Variants in RP1 observed in about 807,000 individuals in gnomAD.
The protein encoded by RP1 is RP1 axonemal microtubule associated.
In RP1, 16 loss-of-function variants were observed where a neutral mutation model predicts 14.8. That is an observed-to-expected ratio of 1.08 (90% CI 0.73 to 1.65). The LOEUF is 1.65. Ranked by LOEUF, RP1 falls within the 40% of genes most tolerant of loss-of-function variation. RP1 has a pLI of 0.00. For missense variants in RP1, 2,631 were observed against 2,535.0 expected, an observed-to-expected ratio of 1.04 and a Z score of -0.81; for synonymous variants, 876 against 883.6, an observed-to-expected ratio of 0.99 and a Z score of 0.15.
downstream of RP1, among the ~76,000 whole-genome samples, chr8:54,771,996 A>G (rs1258162542): frequency 6.6e-6 from 1 of 152,106 alleles, no homozygotes; most frequent in Non-Finnish European, 1.5e-5. Flanking sequence ...AAAGGAGAAA[A>G]GGAAAAAGGA....
At chr8:54,584,479 T>G (rs1804870397) in intron 1 of RP1, among the ~76,000 whole-genome samples, 1 of 152,196 alleles carries the variant, frequency 6.6e-6, no homozygotes, top group Non-Finnish European at 1.5e-5. Context: ...TATATTCTAT[T>G]GATTTGGGGT....
At chr8:54,694,660 G>C in intron 12 of RP1, among the ~76,000 whole-genome samples, 1 of 152,072 alleles carries the variant, frequency 6.6e-6, no homozygotes, top group South Asian at 2.1e-4. Context: ...GGGATCGGTG[G>C]TGATATCCCC....
chr8:54,679,053 C>G (rs1453857618), intron 9 of RP1, among the ~76,000 whole-genome samples: 1 of 151,760 alleles, frequency 6.6e-6, no homozygotes, highest in Non-Finnish European at 1.5e-5. Flanking sequence ...CCCATAGTAA[C>G]CATTTATGAA....
intron 15 of RP1, among the ~76,000 whole-genome samples, chr8:54,712,207 G>A (rs914539976): frequency 1.3e-5 from 2 of 152,274 alleles, no homozygotes; most frequent in African/African-American, 2.4e-5. Context: ...GGCCTACATC[G>A]GGAGAGACAG....
chr8:54,645,383 T>C (rs1585578968), intron 3 of RP1, among the ~76,000 whole-genome samples: 2 of 152,308 alleles, frequency 1.3e-5, no homozygotes, highest in South Asian at 2.1e-4. Context: ...CTTACCTTGG[T>C]ATTTTCACTG....
intron 24 of RP1, among the ~76,000 whole-genome samples, chr8:54,834,401 G>A (rs4737210): frequency 0.3 from 45,218 of 151,622 alleles, 7,006 homozygotes; most frequent in South Asian, 0.37. Context: ...TTGAGGAAAG[G>A]GCTTTTGAAT....
chr8:54,757,201 G>T (rs1001698217), intron 21 of RP1, among the ~76,000 whole-genome samples: 1 of 152,204 alleles, frequency 6.6e-6, no homozygotes, highest in African/African-American at 2.4e-5. Flanking sequence ...GTGCATACCT[G>T]CCACATCTCA....
intron 1 of RP1, among the ~76,000 whole-genome samples, chr8:54,600,998 G>A (rs1236087672): frequency 1.3e-5 from 2 of 152,074 alleles, no homozygotes; most frequent in African/African-American, 2.4e-5. Context: ...TATAATGTCC[G>A]GGGTTTTCGG....
At chr8:54,797,575 C>T (rs1434239168) in intron 24 of RP1, among the ~76,000 whole-genome samples, 1 of 151,364 alleles carries the variant, frequency 6.6e-6, no homozygotes, top group African/African-American at 2.4e-5. Context: ...CACCTACCAG[C>T]TACCTCAGTC....
chr8:54,812,370 G>A (rs1811019192), intron 24 of RP1, among the ~76,000 whole-genome samples: 1 of 152,118 alleles, frequency 6.6e-6, no homozygotes, highest in East Asian at 1.9e-4. Flanking sequence ...CGAACTCCTG[G>A]CTTCAAATTC....
chr8:54,620,887 A>T (rs762847601), intron 1 of RP1, 68 bp from the exon 2 acceptor site: 2 of 1,359,030 alleles, frequency 1.5e-6, no homozygotes, highest in Non-Finnish European at 2.1e-6. Context: ...TATATTTAGC[A>T]TGCATTAGTA....
At chr8:54,562,629 G>C (rs1004424172) in intron 1 of RP1, among the ~76,000 whole-genome samples, 3 of 151,796 alleles carry the variant, frequency 2.0e-5, no homozygotes, top group African/African-American at 7.3e-5. Context: ...AACCGAGATG[G>C]TGCCATGGCA....
At position 54,731,073 on chromosome 8, in the gene RP1, A is replaced by G. The variant is rs539186540; in HGVS notation, c.2522-3472A>G. Among the ~76,000 whole-genome samples the G allele has an allele frequency of 2.0e-5, 3 of 152,252 alleles. No homozygotes were observed. The East Asian group carries it at 5.8e-4, about 29-fold the overall frequency. Reference sequence around the variant, plus strand: ...TAGAGGCTATAAAATCTGTCCTTTTATGGCCACACTCTGATGGTAATTCAT... The same window carrying G: ...TAGAGGCTATAAAATCTGTCCTTTTGTGGCCACACTCTGATGGTAATTCAT... On this transcript the variant is annotated intron_variant, in intron 17 of 22. Transcript: ENST00000636932.
At chr8:54,616,749 C>T (rs1170813981) in intron 1 of RP1, among the ~76,000 whole-genome samples, 1 of 152,190 alleles carries the variant, frequency 6.6e-6, no homozygotes, top group African/African-American at 2.4e-5. Flanking sequence ...TGTGACTTGT[C>T]TGAATTCACA....
intron 15 of RP1, among the ~76,000 whole-genome samples, chr8:54,708,979 A>G (rs565619316): frequency 6.6e-6 from 1 of 152,292 alleles, no homozygotes; most frequent in African/African-American, 2.4e-5. Flanking sequence ...TCCTGCCACA[A>G]AGAAACTATT....
chr8:54,757,353 C>G (rs1043312415), intron 21 of RP1, among the ~76,000 whole-genome samples: 4 of 152,124 alleles, frequency 2.6e-5, no homozygotes, highest in Non-Finnish European at 5.9e-5. Flanking sequence ...AAGAAGAGAC[C>G]AGAAAGCTGA....
chr8:54,796,062 C>A (rs983979390), intron 24 of RP1, among the ~76,000 whole-genome samples: 10 of 152,078 alleles, frequency 6.6e-5, no homozygotes, highest in African/African-American at 2.4e-4. Flanking sequence ...AGCTATTTTT[C>A]TCAATTGGTA....
chr8:54,732,415 C>T (rs769239609), intron 17 of RP1, among the ~76,000 whole-genome samples: 2 of 152,152 alleles, frequency 1.3e-5, no homozygotes, highest in Non-Finnish European at 1.5e-5. Context: ...TAGCATGTAT[C>T]TCCAGGGTGA....
chr8:54,778,321 C>CTTTTTTT (rs35643905), intron 23 of RP1, among the ~76,000 whole-genome samples: 1 of 96,772 alleles, frequency 1.0e-5, no homozygotes. Flanking sequence ...GCTTCTTCTT[C>CTTTTTTT]TTTTTTTTTT....
Sources: gnomAD v4.1 joint callset for allele counts (sites outside exome capture counted in the v4.1 genomes callset) on GRCh38, gnomAD v4.1.1 for gene constraint, MANE v1.5 for transcripts, NCBI Gene and HGNC (gene_info 2026-07-23, HGNC 2026-07-21) for gene names.